Variants in PCDH15 observed in about 807,000 individuals in gnomAD.
PCDH15 encodes the protein protocadherin-15.
A neutral mutation model predicts 178.5 loss-of-function variants in PCDH15; 129 were observed. That is an observed-to-expected ratio of 0.72 (90% CI 0.63 to 0.84). PCDH15 has a LOEUF of 0.84. PCDH15 is among the 40% of genes least tolerant of loss of function. The probability of loss-of-function intolerance (pLI) is 0.00; values close to 1 mark genes in which losing one functional copy is unlikely to be tolerated. For missense variants in PCDH15, 2,230 were observed against 2,099.9 expected (o/e 1.06, Z -1.21); for synonymous variants, 800 against 732.0 (o/e 1.09, Z -1.50).
At chr10:54,464,984 C>T (rs1175644312) in intron 3 of PCDH15, among the ~76,000 whole-genome samples, 2 of 152,088 alleles carry the variant, frequency 1.3e-5, no homozygotes, top group African/African-American at 4.8e-5. Flanking sequence ...AGTAGTTTAA[C>T]CTTTTATGTT....
chr10:55,602,238 C>T (rs1434677750), intron 2 of PCDH15, among the ~76,000 whole-genome samples: 2 of 152,194 alleles, frequency 1.3e-5, no homozygotes, highest in South Asian at 4.1e-4. Context: ...GAGGGTCCTA[C>T]GCCCACGGAG....
At chr10:54,260,407 T>C (rs1056816355) in intron 8 of PCDH15, among the ~76,000 whole-genome samples, 10 of 151,126 alleles carry the variant, frequency 6.6e-5, no homozygotes, top group Admixed American at 4.6e-4. Context: ...AAAAAATTTA[T>C]AGAAACTTTT....
chr10:55,495,797 A>T (rs548337669), intron 2 of PCDH15, among the ~76,000 whole-genome samples: 3 of 152,070 alleles, frequency 2.0e-5, no homozygotes, highest in South Asian at 4.1e-4. Context: ...TCAAAGCAGC[A>T]TTATTCATGA....
intron 18 of PCDH15, among the ~76,000 whole-genome samples, chr10:54,052,009 A>G (rs2093786692): frequency 6.6e-6 from 1 of 152,218 alleles, no homozygotes; most frequent in Non-Finnish European, 1.5e-5. Context: ...GTGGGTGCAC[A>G]GAAGTCAAGA....
intron 2 of PCDH15, among the ~76,000 whole-genome samples, chr10:55,039,187 C>A (rs1014049865): frequency 1.3e-5 from 2 of 151,730 alleles, no homozygotes; most frequent in Admixed American, 1.3e-4. Context: ...ATGTAAATCT[C>A]TCCCAGAATA....
intron 2 of PCDH15, among the ~76,000 whole-genome samples, chr10:54,989,658 AAATGGGT>A (rs1446830292): frequency 6.6e-6 from 1 of 152,180 alleles, no homozygotes. Flanking sequence ...TTACCCATTG[AAATGGGT>A]AATTTATTTA....
chr10:54,139,736 G>A (rs1489770170), intron 14 of PCDH15, among the ~76,000 whole-genome samples: 1 of 152,034 alleles, frequency 6.6e-6, no homozygotes, highest in Non-Finnish European at 1.5e-5. Flanking sequence ...TTAAAATTAT[G>A]GGCTTGAAAT....
intron 2 of PCDH15, among the ~76,000 whole-genome samples, chr10:55,342,687 C>T (rs1844638618): frequency 6.6e-6 from 1 of 152,138 alleles, no homozygotes; most frequent in South Asian, 2.1e-4. Context: ...AGCAGCCTCT[C>T]TCCTGGTCTT....
chr10:54,619,045 T>G (rs2093275080), intron 2 of PCDH15: 1 of 152,052 alleles, frequency 6.6e-6, no homozygotes, highest in Non-Finnish European at 1.5e-5. Flanking sequence ...AACAAAATGT[T>G]CCCTTTTGCA....
upstream of PCDH15, among the ~76,000 whole-genome samples, chr10:54,804,926 A>ATT (rs1952750674): frequency 1.1e-3 from 3 of 2,634 alleles, no homozygotes; most frequent in East Asian, 6.5e-3. Flanking sequence ...TTCATAGTAG[A>ATT]TTATATATAT....
At chr10:54,649,863 ATTG>A (rs1284066032) in intron 2 of PCDH15, among the ~76,000 whole-genome samples, 8 of 152,214 alleles carry the variant, frequency 5.3e-5, no homozygotes, top group South Asian at 2.1e-4. Context: ...CTATTTTTGA[ATTG>A]TTGTTTGAAC....
chr10:54,298,226 A>G (rs2059919714), intron 8 of PCDH15, among the ~76,000 whole-genome samples: 1 of 152,204 alleles, frequency 6.6e-6, no homozygotes, highest in African/African-American at 2.4e-5. Context: ...TAGAGGGTCT[A>G]TTGATCCTAA....
At chr10:55,448,670 T>A (rs867591780) in intron 2 of PCDH15, among the ~76,000 whole-genome samples, 36 of 152,106 alleles carry the variant, frequency 2.4e-4, no homozygotes, top group Middle Eastern at 3.4e-3. Context: ...CTGATGCAAA[T>A]CTCTCAAAAT....
chr10:53,987,124 TAATATAA>T (rs1280004795), intron 21 of PCDH15, among the ~76,000 whole-genome samples: 2 of 152,094 alleles, frequency 1.3e-5, no homozygotes, highest in African/African-American at 2.4e-5. Flanking sequence ...TAAAAAACTT[TAATATAA>T]AAATGGAGAT....
intron 2 of PCDH15, among the ~76,000 whole-genome samples, chr10:55,391,071 A>C (rs1012889360): frequency 6.6e-6 from 1 of 152,172 alleles, no homozygotes; most frequent in African/African-American, 2.4e-5. Context: ...CTCTCTAGCT[A>C]TGAAAGTCCT....
At chr10:54,228,606 G>A (rs750585727) in intron 9 of PCDH15, among the ~76,000 whole-genome samples, 1 of 152,296 alleles carries the variant, frequency 6.6e-6, no homozygotes, top group East Asian at 1.9e-4. Flanking sequence ...AACCAGGGGA[G>A]TCATTGGTAT....
intron 3 of PCDH15, among the ~76,000 whole-genome samples, chr10:54,813,379 C>G (rs1049458526): frequency 2.0e-5 from 3 of 152,152 alleles, no homozygotes; most frequent in African/African-American, 7.2e-5. Context: ...ACCAGAAACT[C>G]AAAACAGATT....
At chr10:55,594,663 A>T (rs1397306420) in intron 2 of PCDH15, among the ~76,000 whole-genome samples, 1 of 152,020 alleles carries the variant, frequency 6.6e-6, no homozygotes. Context: ...ATTTTAAGTG[A>T]GTCTCAGTAA....
At chr10:54,318,030 A>G (rs1451369724) in intron 7 of PCDH15, among the ~76,000 whole-genome samples, 1 of 152,152 alleles carries the variant, frequency 6.6e-6, no homozygotes, top group African/African-American at 2.4e-5. Context: ...TCATTAGAGC[A>G]TTTACTTTAG....
Sources: gnomAD v4.1 joint callset for allele counts (sites outside exome capture counted in the v4.1 genomes callset) on GRCh38, gnomAD v4.1.1 for gene constraint, MANE v1.5 for transcripts, NCBI Gene and HGNC (gene_info 2026-07-23, HGNC 2026-07-21) for gene names.